The following C10orf90 variants were observed in gnomAD, a reference collection of about 807,000 sequenced individuals.
C10orf90 encodes chromosome 10 open reading frame 90.
Under a neutral mutation model 62.5 loss-of-function variants are expected in C10orf90, and 56 were observed. The ratio of observed to expected loss-of-function variants is 0.90; its 90% CI spans 0.72 to 1.12. C10orf90 has a LOEUF of 1.12. Ranked by LOEUF, C10orf90 falls within the 50% of genes most tolerant of loss-of-function variation. The pLI, the probability that C10orf90 is intolerant of heterozygous loss-of-function variation, is 0.00. For missense variants in C10orf90, 970 were observed against 880.4 expected, an observed-to-expected ratio of 1.10 and a Z score of -1.29; for synonymous variants, 386 against 340.4, an observed-to-expected ratio of 1.13 and a Z score of -1.47.
chr10:126,568,390 A>G (rs989995449), intron 2 of C10orf90, among the ~76,000 whole-genome samples: 1 of 152,276 alleles, frequency 6.6e-6, no homozygotes, highest in African/African-American at 2.4e-5. Flanking sequence ...GTTGCTGGCC[A>G]GAGAATGCTG....
intron 2 of C10orf90, among the ~76,000 whole-genome samples, chr10:126,613,985 T>C (rs1845491241): frequency 6.6e-6 from 1 of 152,200 alleles, no homozygotes; most frequent in East Asian, 1.9e-4. Context: ...ATGAATCTGA[T>C]GCCACTCCCC....
At chr10:126,596,594 A>G (rs1469208179) in intron 2 of C10orf90, among the ~76,000 whole-genome samples, 6 of 152,194 alleles carry the variant, frequency 3.9e-5, no homozygotes, top group African/African-American at 1.4e-4. Flanking sequence ...AGCCTAGCCT[A>G]CTTTCAATGT....
intron 2 of C10orf90, among the ~76,000 whole-genome samples, chr10:126,606,846 C>G (rs960005327): frequency 3.9e-5 from 6 of 152,102 alleles, no homozygotes; most frequent in Admixed American, 3.9e-4. Context: ...TAACCAGGAA[C>G]CAGTCATTAG....
chr10:126,440,539 C>A (rs1858239606), intron 7 of C10orf90, among the ~76,000 whole-genome samples: 1 of 152,134 alleles, frequency 6.6e-6, no homozygotes, highest in Admixed American at 6.5e-5. Flanking sequence ...ACTACCACAG[C>A]TGATGCTATC....
At chr10:126,633,272 G>A (rs902295443) in intron 2 of C10orf90, among the ~76,000 whole-genome samples, 1 of 152,220 alleles carries the variant, frequency 6.6e-6, no homozygotes, top group Non-Finnish European at 1.5e-5. Flanking sequence ...GGGAGGCCTA[G>A]GACATCCCAG....
chr10:126,431,690 G>A (rs1857580684), intron 7 of C10orf90, among the ~76,000 whole-genome samples: 1 of 152,184 alleles, frequency 6.6e-6, no homozygotes, highest in Non-Finnish European at 1.5e-5. Context: ...GACAGACGGT[G>A]TCCTGAGGAG....
intron 2 of C10orf90, among the ~76,000 whole-genome samples, chr10:126,598,343 G>A (rs1845127340): frequency 6.6e-6 from 1 of 152,120 alleles, no homozygotes; most frequent in African/African-American, 2.4e-5. Context: ...GAATAATTAT[G>A]TCTGGCATGC....
intron 2 of C10orf90, among the ~76,000 whole-genome samples, chr10:126,594,469 T>C (rs1365119709): frequency 1.3e-5 from 2 of 152,120 alleles, no homozygotes; most frequent in Admixed American, 1.3e-4. Context: ...AGTCAGCAAA[T>C]GTTTCTGAAT....
intron 6 of C10orf90, among the ~76,000 whole-genome samples, chr10:126,459,605 G>A (rs1450530973): frequency 1.3e-5 from 2 of 152,228 alleles, no homozygotes; most frequent in African/African-American, 2.4e-5. Context: ...AGGGCATGGA[G>A]GTGCTGAGTC....
At chr10:126,476,383 T>C (rs779446226) in intron 4 of C10orf90, among the ~76,000 whole-genome samples, 6 of 152,180 alleles carry the variant, frequency 3.9e-5, no homozygotes, top group Non-Finnish European at 8.8e-5. Flanking sequence ...ACAATCAGAA[T>C]TGGAGACAGT....
At chr10:126,596,960 C>T (rs1845099609) in intron 2 of C10orf90, among the ~76,000 whole-genome samples, 1 of 152,138 alleles carries the variant, frequency 6.6e-6, no homozygotes, top group South Asian at 2.1e-4. Flanking sequence ...TGTTCAACAT[C>T]TTTAGTCATC....
At position 126,429,869 on chromosome 10, in the gene C10orf90, G is replaced by A; in HGVS notation, c.2189-19C>T. 6.2e-7 allele frequency: 1 copy of A among 1,605,358 alleles called. No individual in the cohort carries two copies. Among genetic ancestry groups the A allele is most frequent in the East Asian group, 2.2e-5 (1 of 44,814 alleles). ...AAGTTATCTGGAAAAAATAGAAAGAGAATTAAGTTCAGAAGGCATAGAATC... is the reference window on the plus strand; with the variant it reads ...AAGTTATCTGGAAAAAATAGAAAGAAAATTAAGTTCAGAAGGCATAGAATC... On this transcript the variant is annotated intron_variant, in intron 7 of 9. Transcript: ENST00000488181.
intron 2 of C10orf90, among the ~76,000 whole-genome samples, chr10:126,576,106 G>A (rs1162893195): frequency 1.3e-5 from 2 of 152,080 alleles, no homozygotes; most frequent in Non-Finnish European, 2.9e-5. Flanking sequence ...CTTCTGCACA[G>A]CAAAGGAAAC....
intron 2 of C10orf90, among the ~76,000 whole-genome samples, chr10:126,546,200 C>T (rs1042537510): frequency 2.6e-5 from 4 of 152,232 alleles, no homozygotes; most frequent in African/African-American, 7.2e-5. Context: ...AACCACTCTA[C>T]TCCAGCCAAA....
chr10:126,646,239 A>T (rs1591171568), intron 2 of C10orf90, among the ~76,000 whole-genome samples: 1 of 152,206 alleles, frequency 6.6e-6, no homozygotes, highest in Non-Finnish European at 1.5e-5. Context: ...GAGAATATTC[A>T]TATTTGTCCC....
intron 2 of C10orf90, among the ~76,000 whole-genome samples, chr10:126,561,754 G>A (rs1864905154): frequency 6.6e-6 from 1 of 152,104 alleles, no homozygotes; most frequent in African/African-American, 2.4e-5. Context: ...CAGGCAAACA[G>A]TGGACAGTTG....
rs772928938 is a variant in C10orf90 at position 126,504,904 on chromosome 10, G to T, written c.587C>A (p.Ala196Glu). 6 of 1,614,116 alleles carry T rather than the reference G, an allele frequency of 3.7e-6. No homozygotes were observed. Among genetic ancestry groups the T allele is most frequent in the Non-Finnish European group, 4.2e-6 (5 of 1,180,062 alleles). ...TAATCTGCCCGGAAGTAACGCAAAT[G>T]CTCTGTGAATGTTGACTCCGCTGCG... Reference protein sequence around the residue: ...ANRSGVNIHRAFALLPGRLGI... With the variant: ...ANRSGVNIHREFALLPGRLGI... The change falls in exon 4 of 10, where the codon GCA (alanine) becomes GAA (glutamate). Residue 196 changes from alanine to glutamate, a missense_variant. Coordinates refer to ENST00000488181, the MANE Select transcript of C10orf90 (RefSeq NM_001350921.2). The surrounding 1 kb of genome is among the most constrained non-coding windows in gnomAD (Gnocchi z 4.1).
chr10:126,447,806 A>T (rs7097347), intron 7 of C10orf90, among the ~76,000 whole-genome samples: 1 of 151,212 alleles, frequency 6.6e-6, no homozygotes, highest in Non-Finnish European at 1.5e-5. Context: ...TAATAAATTT[A>T]GATGATAGAA....
rs138989350 is a variant in C10orf90 at position 126,653,913 on chromosome 10, C to T, written c.241-7276G>A. The stretch of plus-strand genomic sequence containing the variant: ...CACTAATCTTCTTGTACATTTCCAT[C>T]GGAGCTCTTGGGTAACTGGGTACAT... On this transcript the variant is annotated intron_variant, in intron 1 of 9. Coordinates refer to ENST00000488181, the MANE Select transcript of C10orf90 (RefSeq NM_001350921.2). 9.8e-4 allele frequency among the ~76,000 whole-genome samples: 149 copies of T among 152,272 alleles called. 4 individuals carry two copies. In the Middle Eastern group the frequency reaches 0.031, roughly 31 times the overall value.
Sources: gnomAD v4.1 joint callset for allele counts (sites outside exome capture counted in the v4.1 genomes callset) on GRCh38, gnomAD v4.1.1 for gene constraint, Gnocchi (gnomAD v3.1) non-coding constraint, MANE v1.5 for transcripts, NCBI Gene and HGNC (gene_info 2026-07-23, HGNC 2026-07-21) for gene names.